Variants in TUB observed in about 807,000 individuals in gnomAD.
The protein encoded by TUB is TUB bipartite transcription factor, also known as tubby protein homolog.
In TUB, 33 loss-of-function variants were observed where a neutral mutation model predicts 59.7. That is an observed-to-expected ratio of 0.55 (90% CI 0.42 to 0.74). The LOEUF (loss-of-function observed/expected upper bound fraction) is 0.74, where lower values mean the gene tolerates loss of function less well. TUB is among the 30% of genes least tolerant of loss of function. TUB has a pLI of 0.00. For synonymous variants in TUB, 293 were observed against 256.4 expected (o/e 1.14, Z -1.36); for missense variants, 659 against 672.0 (o/e 0.98, Z 0.21).
intron 2 of TUB, among the ~76,000 whole-genome samples, chr11:8,069,897 G>A (rs944291344): frequency 2.6e-5 from 4 of 152,134 alleles, no homozygotes; most frequent in Non-Finnish European, 5.9e-5. Flanking sequence ...AGTAGTGGGG[G>A]CACCAATGCC....
At chr11:8,091,715 C>G (rs551705190) in intron 3 of TUB, among the ~76,000 whole-genome samples, 41 of 152,296 alleles carry the variant, frequency 2.7e-4, no homozygotes, top group African/African-American at 9.4e-4. Flanking sequence ...AAAAGGGGAC[C>G]AGGGACCTCA....
At chr11:8,059,474 G>A (rs1169271026) in intron 2 of TUB, among the ~76,000 whole-genome samples, 2 of 152,188 alleles carry the variant, frequency 1.3e-5, no homozygotes, top group African/African-American at 4.8e-5. Flanking sequence ...AAAATGCGGA[G>A]ATTCTCTTTT....
chr11:8,094,347 G>A (rs1443739322), intron 4 of TUB, among the ~76,000 whole-genome samples, 158 bp downstream of exon 4: 2 of 152,154 alleles, frequency 1.3e-5, no homozygotes, highest in African/African-American at 4.8e-5. Flanking sequence ...TGGCTCACAG[G>A]CCTCATCTAG....
chr11:8,053,831 C>G (rs1007923535), intron 2 of TUB, among the ~76,000 whole-genome samples: 4 of 145,476 alleles, frequency 2.7e-5, no homozygotes, highest in Admixed American at 2.7e-4. Flanking sequence ...GTTTGAAATA[C>G]TTGGCCGGGC....
chr11:8,077,596 A>C (rs568433463), upstream of TUB: 3 of 152,254 alleles, frequency 2.0e-5, no homozygotes, highest in East Asian at 5.8e-4. Flanking sequence ...CAGCTTATCA[A>C]TATCCTATTC....
At chr11:8,035,373 A>G (rs1942631713), upstream of TUB, 1 of 152,256 alleles carries the variant, frequency 6.6e-6, no homozygotes, top group South Asian at 2.1e-4. Context: ...GCAAATCTTT[A>G]AATTCTGCGC....
chr11:8,093,758 G>A (rs1362259450), intron 3 of TUB, among the ~76,000 whole-genome samples: 1 of 152,196 alleles, frequency 6.6e-6, no homozygotes, highest in African/African-American at 2.4e-5. Flanking sequence ...TGGTGGCCCA[G>A]AACTTTTGAG....
intron 2 of TUB, among the ~76,000 whole-genome samples, chr11:8,071,814 C>T (rs966126701): frequency 6.6e-6 from 1 of 152,218 alleles, no homozygotes; most frequent in African/African-American, 2.4e-5. Context: ...CACAGTGGCC[C>T]GAGGCCCCTC....
At chr11:8,055,962 C>A (rs190296594) in intron 2 of TUB, among the ~76,000 whole-genome samples, 1 of 152,306 alleles carries the variant, frequency 6.6e-6, no homozygotes, top group East Asian at 1.9e-4. Flanking sequence ...GCCCTTAAGC[C>A]CCCAAGAGTC....
chr11:8,038,740 A>G (rs1407629702), exon 1 of TUB: 1 of 1,501,590 alleles, frequency 6.7e-7, no homozygotes, highest in South Asian at 1.4e-5. Flanking sequence ...GACTGTTGCC[A>G]CGGTGATGAA....
chr11:8,040,896 A>G (rs768869268), intron 2 of TUB, among the ~76,000 whole-genome samples: 8 of 152,208 alleles, frequency 5.3e-5, no homozygotes, highest in Non-Finnish European at 1.0e-4. Flanking sequence ...GAGATCCCAC[A>G]TCCAACCCCT....
chr11:8,033,002 C>T (rs952166986), intron 1 of TUB, among the ~76,000 whole-genome samples: 3 of 152,152 alleles, frequency 2.0e-5, no homozygotes, highest in African/African-American at 7.2e-5. Context: ...CTGTCACTCC[C>T]TCTGTTGGCT....
intron 2 of TUB, among the ~76,000 whole-genome samples, chr11:8,044,301 C>A (rs916753830): frequency 6.6e-6 from 1 of 152,110 alleles, no homozygotes. Context: ...TTTGAATTTA[C>A]GAATCTTTGC....
At chr11:8,057,658 G>T (rs1217684478) in intron 2 of TUB, among the ~76,000 whole-genome samples, 1 of 152,122 alleles carries the variant, frequency 6.6e-6, no homozygotes, top group Non-Finnish European at 1.5e-5. Flanking sequence ...AGTCACGGAG[G>T]TTTGGGGAGT....
intron 10 of TUB, 106 bp from the exon 11 acceptor site, chr11:8,100,720 G>T (rs1944249543): frequency 6.4e-7 from 1 of 1,553,192 alleles, no homozygotes; most frequent in Admixed American, 1.7e-5. Context: ...GAAAGCCCTG[G>T]AGGTCTAGGG....
At chr11:8,063,486 C>T (rs1943172712) in intron 2 of TUB, among the ~76,000 whole-genome samples, 1 of 152,162 alleles carries the variant, frequency 6.6e-6, no homozygotes, top group Non-Finnish European at 1.5e-5. Flanking sequence ...GTTTATTTCC[C>T]GTCTTGCCGG....
rs375742021 is a variant in TUB at position 8,100,909 on chromosome 11, T to C, written c.1299T>C (p.Asn433=). 6.2e-7 allele frequency: 1 copy of C among 1,614,040 alleles called. No individual in the cohort carries two copies. Among genetic ancestry groups the C allele is most frequent in the African/African-American group, 1.3e-5 (1 of 74,918 alleles). The change falls in exon 11 of 12, where the codon AAT becomes AAC. Residue 433 remains asparagine, a synonymous_variant. Coordinates refer to ENST00000299506, the MANE Select transcript of TUB (RefSeq NM_177972.3). ...IELQNKTPVW[N]DDTQSYVLNF... is the part of the protein sequence containing the mutation. ...TGCAAAACAAGACACCTGTCTGGAA[T>C]GATGACACACAGTCCTATGTACTCA...
intron 2 of TUB, among the ~76,000 whole-genome samples, chr11:8,058,988 T>C (rs1468868917): frequency 6.6e-6 from 1 of 152,232 alleles, no homozygotes; most frequent in African/African-American, 2.4e-5. Context: ...GGAGAGCTTG[T>C]TGTTAAATGT....
intron 2 of TUB, among the ~76,000 whole-genome samples, chr11:8,046,680 T>C (rs1412996364): frequency 6.6e-6 from 1 of 151,688 alleles, no homozygotes; most frequent in African/African-American, 2.4e-5. Flanking sequence ...TATAGCAGCC[T>C]GCAAACTGCC....
Sources: gnomAD v4.1 joint callset for allele counts (sites outside exome capture counted in the v4.1 genomes callset) on GRCh38, gnomAD v4.1.1 for gene constraint, MANE v1.5 for transcripts, NCBI Gene and HGNC (gene_info 2026-07-23, HGNC 2026-07-21) for gene names.